SRSF2: variants seen among roughly 807,000 people sequenced by gnomAD.
SRSF2 encodes serine/arginine-rich splicing factor 2.
SRSF2 carries 4 observed loss-of-function variants against 15.7 expected under a neutral mutation model. The observed-to-expected ratio is 0.26, with a 90% CI of 0.13 to 0.58. The LOEUF (loss-of-function observed/expected upper bound fraction) is 0.58. SRSF2 is among the 20% of genes least tolerant of loss of function. The pLI is 0.90. For missense variants in SRSF2, 147 were observed against 332.4 expected (o/e 0.44, Z 4.34); for synonymous variants, 192 against 138.9 (o/e 1.38, Z -2.69).
chr17:76,734,802 G>A lies in SRSF2; in HGVS notation c.*364C>T. ...CAGCTTTAGGCTGTGTGTAATGGCT[G>A]CACACGTTTTCCTTAAAAGTCAGGA... On this transcript the variant is annotated 3_prime_UTR_variant, in exon 3 of 3. Coordinates refer to ENST00000359995, the MANE Select transcript of SRSF2 (RefSeq NM_001195427.2). 1 of 238,818 alleles carries A rather than the reference G, an allele frequency of 4.2e-6. No individual in the cohort carries two copies. The allele number at this position is 238,818 out of a possible 1,614,324, so 14.8% of individuals were successfully genotyped here. A position where few individuals can be genotyped will look rare whatever the true frequency, so the allele number is the denominator to read the frequency against.
intron 2 of SRSF2, 79 bp downstream of exon 2, chr17:76,736,075 C>T (rs2078225893): frequency 1.1e-5 from 16 of 1,398,330 alleles, no homozygotes; most frequent in South Asian, 1.1e-4. Context: ...GTCATTCTTA[C>T]ATTAACACGA....
intron 2 of SRSF2, chr17:76,735,819 A>G: frequency 2.1e-6 from 1 of 479,384 alleles, no homozygotes; most frequent in Non-Finnish European, 3.9e-6. Context: ...GGATCAGCCA[A>G]ATCAGTTAAA....
Position 76,734,643 on chromosome 17 carries a change from C to A in SRSF2, c.*523G>T. On this transcript the variant is annotated 3_prime_UTR_variant, in exon 3 of 3. Coordinates refer to ENST00000359995, the MANE Select transcript of SRSF2 (RefSeq NM_001195427.2). ...CTTTCAAAAAATCAAGTCTTTTCAC[C>A]TGAAAAGTCTTTATACAAATTTGGG... 1 of 229,312 alleles carries A rather than the reference C, an allele frequency of 4.4e-6. No homozygotes were observed. 14.2% of individuals were successfully genotyped at this position (229,312 alleles called of 1,614,324 possible).
rs189841356 is a variant in SRSF2 at position 76,736,167 on chromosome 17, G to A, written c.660C>T (p.Ser220=). 24 of 1,604,096 alleles carry A rather than the reference G, an allele frequency of 1.5e-5. No homozygotes were observed. In the Admixed American group the frequency reaches 3.4e-4, roughly 23 times the overall value. The change falls in exon 2 of 3, where the codon TCC becomes TCT. Residue 220 remains serine (S), a synonymous_variant. Transcript: ENST00000359995. Reference sequence around the variant, plus strand: ...CCCAGACATTACCATTTTCTTAAGAGGACACCGCTCCTTCCTCTTCAGGAG... The same window carrying A: ...CCCAGACATTACCATTTTCTTAAGAAGACACCGCTCCTTCCTCTTCAGGAG... ...PKSPEEEGAV[S]S
In SRSF2 at chr17:76,734,959, A is replaced by C; in HGVS notation, c.*207T>G. 1 of 227,632 alleles carries C rather than the reference A, an allele frequency of 4.4e-6. No individual in the cohort carries two copies. Among genetic ancestry groups the C allele is most frequent in the Non-Finnish European group, 9.0e-6 (1 of 111,690 alleles). The allele number at this position is 227,632 out of a possible 1,614,324, so 14.1% of individuals were successfully genotyped here. On this transcript the variant is annotated 3_prime_UTR_variant, in exon 3 of 3. Coordinates refer to ENST00000359995, the MANE Select transcript of SRSF2 (RefSeq NM_001195427.2). ...GAAGTCGTTCACCTCACTAAATTAC[A>C]AGAAATTTGAATAACAGCAACAAAA...
rs1015554500 is a variant in SRSF2 at position 76,737,297 on chromosome 17, C to G, written c.-137G>C. 1.6e-6 allele frequency: 2 copies of G among 1,247,836 alleles called. No individual in the cohort carries two copies. The highest frequency in any genetic ancestry group is 2.2e-6 in the Non-Finnish European group (2 of 929,042). The allele number at this position is 1,247,836 out of a possible 1,614,324, so 77.3% of individuals were successfully genotyped here. On this transcript the variant is annotated 5_prime_UTR_variant, in exon 1 of 3. Coordinates refer to ENST00000359995, the MANE Select transcript of SRSF2 (RefSeq NM_001195427.2). ...AGGCCTTGCCGCAGAACAGCACGGA[C>G]GGGCTCCGCAGGCTAGCGCACCTGA...
In SRSF2 at chr17:76,736,213, C is replaced by T. The variant is rs770113956; in HGVS notation, c.614G>A (p.Arg205Gln). 6 of 1,614,000 alleles carry T rather than the reference C, an allele frequency of 3.7e-6. No homozygotes were observed. The highest frequency in any genetic ancestry group is 5.1e-6 in the Non-Finnish European group (6 of 1,179,948). The change falls in exon 2 of 3, where the codon CGA becomes CAA. Residue 205 changes from arginine (R) to glutamine (Q), a missense_variant. Physicochemically the swap from Arg to Gln is conservative, Grantham distance 43. Coordinates refer to ENST00000359995, the MANE Select transcript of SRSF2 (RefSeq NM_001195427.2). ...VSKRESKSRS[R>Q]SKSPPKSPEE... ...AGGAGACTTGGGGGGACTCTTCGAT[C>T]GCGACCTGGATTTGGATTCCCTCTT...
chr17:76,736,768 C>T (rs1373055300), intron 1 of SRSF2, 31 bp downstream of exon 1: 1 of 1,407,018 alleles, frequency 7.1e-7, no homozygotes, highest in Non-Finnish European at 9.2e-7. Context: ...CGCCCCGCCC[C>T]GCCTCCCGCG....
At position 76,737,189 on chromosome 17, in the gene SRSF2, GA is replaced by G; in HGVS notation, c.-30del. 6.6e-7 allele frequency: 1 copy of G among 1,518,674 alleles called. No homozygotes were observed. The highest frequency in any genetic ancestry group is 8.9e-7 in the Non-Finnish European group (1 of 1,127,318). 94.1% of individuals were successfully genotyped at this position (1,518,674 alleles called of 1,614,324 possible). The stretch of plus-strand genomic sequence containing the variant: ...TCTGAGTGGCGGCCCGGAGCCCCGC[GA>G]ACTGGCGCCGGCTTCCTCAGCTCTG... On this transcript the variant is annotated 5_prime_UTR_variant, in exon 1 of 3. Coordinates refer to ENST00000359995, the MANE Select transcript of SRSF2 (RefSeq NM_001195427.2).
In SRSF2 at chr17:76,737,239, A is replaced by G; in HGVS notation, c.-79T>C. Reference sequence around the variant, plus strand: ...TGGGCGGTGCGACGCCGCGCCTCTCAGGCAGTTGCCTTCCGCGTGGGGACA... The same window carrying G: ...TGGGCGGTGCGACGCCGCGCCTCTCGGGCAGTTGCCTTCCGCGTGGGGACA... On this transcript the variant is annotated 5_prime_UTR_variant, in exon 1 of 3. Coordinates refer to ENST00000359995, the MANE Select transcript of SRSF2 (RefSeq NM_001195427.2). 1 of 1,457,406 alleles carries G rather than the reference A, an allele frequency of 6.9e-7. No homozygotes were observed. Among genetic ancestry groups the G allele is most frequent in the Non-Finnish European group, 9.1e-7 (1 of 1,099,516 alleles). 90.3% of individuals were successfully genotyped at this position (1,457,406 alleles called of 1,614,324 possible).
chr17:76,735,178 A>C lies in SRSF2; in HGVS notation c.*8-20T>G, dbSNP rs1349878532. Reference sequence around the variant, plus strand: ...ATACATCTAGGTTTGAAAAGAAAGAAGTTCAGCTTACCTTCCATTAAAGTG... The same window carrying C: ...ATACATCTAGGTTTGAAAAGAAAGACGTTCAGCTTACCTTCCATTAAAGTG... On this transcript the variant is annotated intron_variant, in intron 2 of 2. Transcript: ENST00000359995. 4.5e-6 allele frequency: 1 copy of C among 219,888 alleles called. No homozygotes were observed. Among genetic ancestry groups the C allele is most frequent in the Non-Finnish European group, 9.1e-6 (1 of 109,616 alleles). The allele number at this position is 219,888 out of a possible 1,614,324, so 13.6% of individuals were successfully genotyped here.
At chr17:76,736,486 A>G (rs2077475123) in intron 1 of SRSF2, 22 bp from the exon 2 acceptor site, 1 of 1,606,120 alleles carries the variant, frequency 6.2e-7, no homozygotes, top group African/African-American at 1.3e-5. Context: ...ACGAGCAAGC[A>G]CAGCGGGGTT....
chr17:76,735,075 G>A lies in SRSF2; in HGVS notation c.*91C>T. On this transcript the variant is annotated 3_prime_UTR_variant, in exon 3 of 3. Coordinates refer to ENST00000359995, the MANE Select transcript of SRSF2 (RefSeq NM_001195427.2). ...TACAAAATAACCTTTTCAATAGCCA[G>A]TTGCTTGTTCCAAGGACTCTTCTTC... 1 of 220,056 alleles carries A rather than the reference G, an allele frequency of 4.5e-6. No homozygotes were observed. The highest frequency in any genetic ancestry group is 5.8e-5 in the Admixed American group (1 of 17,296). The allele number at this position is 220,056 out of a possible 1,614,324, so 13.6% of individuals were successfully genotyped here. A position where few individuals can be genotyped will look rare whatever the true frequency, so the allele number is the denominator to read the frequency against.
At position 76,737,269 on chromosome 17, in the gene SRSF2, G is replaced by A; in HGVS notation, c.-109C>T. 1.4e-6 allele frequency: 2 copies of A among 1,406,706 alleles called. No individual in the cohort carries two copies. The highest frequency in any genetic ancestry group is 1.9e-6 in the Non-Finnish European group (2 of 1,062,818). The allele number at this position is 1,406,706 out of a possible 1,614,324, so 87.1% of individuals were successfully genotyped here. On this transcript the variant is annotated 5_prime_UTR_variant, in exon 1 of 3. Coordinates refer to ENST00000359995, the MANE Select transcript of SRSF2 (RefSeq NM_001195427.2). ...GTTGCCTTCCGCGTGGGGACACTGG[G>A]AAAGGCCTTGCCGCAGAACAGCACG...
Position 76,736,159 on chromosome 17 carries a change from T to A in SRSF2, c.*2A>T. Reference sequence around the variant, plus strand: ...CTCGGATTCCCAGACATTACCATTTTCTTAAGAGGACACCGCTCCTTCCTC... The same window carrying A: ...CTCGGATTCCCAGACATTACCATTTACTTAAGAGGACACCGCTCCTTCCTC... On this transcript the variant is annotated 3_prime_UTR_variant, in exon 2 of 3. Transcript: ENST00000359995. 1 of 1,591,602 alleles carries A rather than the reference T, an allele frequency of 6.3e-7. No individual in the cohort carries two copies. The highest frequency in any genetic ancestry group is 8.6e-7 in the Non-Finnish European group (1 of 1,167,112).
chr17:76,736,484 G>C lies in SRSF2; in HGVS notation c.363-20C>G, dbSNP rs1040631368. 1.2e-6 allele frequency: 2 copies of C among 1,606,528 alleles called. No homozygotes were observed. Among genetic ancestry groups the C allele is most frequent in the Non-Finnish European group, 1.7e-6 (2 of 1,179,408 alleles). On this transcript the variant is annotated intron_variant, in intron 1 of 2. Transcript: ENST00000359995. ...CTAGGGCTGCGGGCGGGACGAGCAA[G>C]CACAGCGGGGTTAATTCCAGGCAGC...
intron 2 of SRSF2, chr17:76,735,504 T>C (rs2077418585): frequency 4.4e-6 from 1 of 229,222 alleles, no homozygotes; most frequent in East Asian, 6.3e-5. Context: ...CATTTGGTAA[T>C]TGAGAATACT....
At position 76,737,211 on chromosome 17, in the gene SRSF2, C is replaced by G. The variant is rs1394645833; in HGVS notation, c.-51G>C. ...CGCGAACTGGCGCCGGCTTCCTCAG[C>G]TCTGGGCGGTGCGACGCCGCGCCTC... On this transcript the variant is annotated 5_prime_UTR_variant, in exon 1 of 3. Transcript: ENST00000359995. 1.7e-5 allele frequency: 25 copies of G among 1,482,716 alleles called. No individual in the cohort carries two copies. Among genetic ancestry groups the G allele is most frequent in the African/African-American group, 2.8e-5 (2 of 71,064 alleles). 91.8% of individuals were successfully genotyped at this position (1,482,716 alleles called of 1,614,324 possible).
intron 1 of SRSF2, 144 bp from the exon 2 acceptor site, chr17:76,736,608 G>A (rs1260335665): frequency 4.3e-6 from 5 of 1,171,380 alleles, no homozygotes; most frequent in Admixed American, 3.7e-5. Context: ...GCCCCGCGCC[G>A]CCCACACCCC....
Sources: gnomAD v4.1 joint callset for allele counts on GRCh38, gnomAD v4.1.1 for gene constraint, MANE v1.5 for transcripts, NCBI Gene and HGNC (gene_info 2026-07-23, HGNC 2026-07-21) for gene names.